The following RARRES1 variants were observed in gnomAD, a reference collection of about 807,000 sequenced individuals.
RARRES1 encodes the protein retinoic acid receptor responder protein 1.
RARRES1 carries 34 observed loss-of-function variants against 30.6 expected under a neutral mutation model. The ratio of observed to expected loss-of-function variants is 1.11; its 90% CI spans 0.84 to 1.48. The LOEUF (loss-of-function observed/expected upper bound fraction) is 1.48, where lower values mean the gene tolerates loss of function less well. Ranked by LOEUF, RARRES1 falls within the 40% of genes most tolerant of loss-of-function variation. RARRES1 has a pLI of 0.00. For missense variants in RARRES1, 373 were observed against 386.5 expected (o/e 0.97, Z 0.29); for synonymous variants, 153 against 155.5 (o/e 0.98, Z 0.12).
intron 1 of RARRES1, among the ~76,000 whole-genome samples, chr3:158,724,260 G>T (rs980953850): frequency 1.6e-4 from 25 of 152,170 alleles, no homozygotes; most frequent in African/African-American, 5.8e-4. Flanking sequence ...ACGGGGTGTG[G>T]TAGGCTGAAT....
At chr3:158,715,489 G>A (rs1727295303) in intron 1 of RARRES1, among the ~76,000 whole-genome samples, 1 of 152,124 alleles carries the variant, frequency 6.6e-6, no homozygotes, top group Admixed American at 6.5e-5. Context: ...ACTTTTTTGA[G>A]ATGACTTGGA....
intron 1 of RARRES1, among the ~76,000 whole-genome samples, chr3:158,718,814 C>T (rs1430406152): frequency 2.6e-5 from 4 of 152,186 alleles, no homozygotes; most frequent in East Asian, 1.9e-4. Context: ...CAGGTTGCTA[C>T]AGCCACATGG....
intron 1 of RARRES1, among the ~76,000 whole-genome samples, chr3:158,730,675 CT>C (rs1422649324): frequency 6.6e-6 from 1 of 152,124 alleles, no homozygotes; most frequent in Non-Finnish European, 1.5e-5. Flanking sequence ...TGGTCTACAA[CT>C]CCTGAGCTCA....
Position 158,713,783 on chromosome 3 carries a change from T to C in RARRES1, c.339+14A>G. 1 of 1,607,068 alleles carries C rather than the reference T, an allele frequency of 6.2e-7. No homozygotes were observed. Among genetic ancestry groups the C allele is most frequent in the Non-Finnish European group, 8.5e-7 (1 of 1,176,380 alleles). On this transcript the variant is annotated intron_variant, in intron 2 of 5. Coordinates refer to ENST00000237696, the MANE Select transcript of RARRES1 (RefSeq NM_206963.2). ...AGTTGCTAATAGGATACTTTGCCAA[T>C]TGTGGCAGCTTACCTCTGGGTTGTA...
rs756568590 is a variant in RARRES1 at position 158,710,918 on chromosome 3, CT to C, written c.354del (p.Gly119ValfsTer25). 1.2e-6 allele frequency: 2 copies of C among 1,613,862 alleles called. No homozygotes were observed. Among genetic ancestry groups the C allele is most frequent in the Admixed American group, 3.3e-5 (2 of 59,962 alleles). ...GAACATTTCCCCAAACGTCCCTCAC[CT>C]TCCTGAAGTAAAGACTGTGGAGTTA... ...ERYNPESLLQEGEGRLGKCSA... is the reference protein window; with the variant it reads ...ERYNPESLLQXGEGRLGKCSA... On this transcript the variant is annotated frameshift_variant, in exon 3 of 6. Transcript: ENST00000237696. LOFTEE classifies it high-confidence loss of function.
intron 3 of RARRES1, among the ~76,000 whole-genome samples, chr3:158,707,011 A>G (rs955752297): frequency 3.9e-5 from 6 of 152,110 alleles, no homozygotes; most frequent in African/African-American, 1.4e-4. Context: ...TCTATTAAAA[A>G]TATAAAAATT....
chr3:158,717,252 A>G lies in RARRES1; in HGVS notation c.277-3393T>C, dbSNP rs577624229. ...TGATTTCAGCTCCTACCTTATTCCAAGTACTGTGCTGGGTGCAGGAAAGAC... is the reference window on the plus strand; with the variant it reads ...TGATTTCAGCTCCTACCTTATTCCAGGTACTGTGCTGGGTGCAGGAAAGAC... On this transcript the variant is annotated intron_variant, in intron 1 of 5. Transcript: ENST00000237696. 7.2e-5 allele frequency among the ~76,000 whole-genome samples: 11 copies of G among 152,338 alleles called. No homozygotes were observed. The South Asian group carries it at 2.3e-3, about 32-fold the overall frequency.
chr3:158,704,209 ACTTTTTTTTTT>A (rs1726831741), intron 4 of RARRES1, among the ~76,000 whole-genome samples: 4 of 115,954 alleles, frequency 3.4e-5, no homozygotes, highest in East Asian at 5.7e-4. Flanking sequence ...ATATTGCAAT[ACTTTTTTTTTT>A]TTTTTTTTTT....
intron 1 of RARRES1, among the ~76,000 whole-genome samples, chr3:158,715,874 C>T (rs1727305140): frequency 6.6e-6 from 1 of 152,170 alleles, no homozygotes; most frequent in Non-Finnish European, 1.5e-5. Context: ...TTAGTACCTG[C>T]CAATGTGGGA....
chr3:158,728,510 T>C (rs1727763007), intron 1 of RARRES1, among the ~76,000 whole-genome samples: 1 of 139,920 alleles, frequency 7.1e-6, no homozygotes, highest in Non-Finnish European at 1.6e-5. Context: ...TGGTTTCTTT[T>C]TCTTTCTTTT....
chr3:158,707,033 G>T (rs1406947999), intron 3 of RARRES1, among the ~76,000 whole-genome samples: 1 of 152,134 alleles, frequency 6.6e-6, no homozygotes, highest in African/African-American at 2.4e-5. Context: ...GCTGGGTGTG[G>T]TGGCACACGC....
intron 1 of RARRES1, among the ~76,000 whole-genome samples, chr3:158,731,846 T>C (rs1287422167): frequency 1.3e-5 from 2 of 152,250 alleles, no homozygotes; most frequent in African/African-American, 2.4e-5. Flanking sequence ...AGCATCTCTT[T>C]CCCAGGTGTG....
chr3:158,714,368 T>G (rs748216933), intron 1 of RARRES1, among the ~76,000 whole-genome samples: 1 of 152,090 alleles, frequency 6.6e-6, no homozygotes, highest in Non-Finnish European at 1.5e-5. Context: ...AGGTGCTTGC[T>G]TGGCACGAGG....
intron 4 of RARRES1, chr3:158,698,275 C>A: frequency 3.7e-6 from 1 of 272,332 alleles, no homozygotes; most frequent in Non-Finnish European, 7.0e-6. Flanking sequence ...ATATATACCT[C>A]AAGCTGATAT....
At position 158,704,891 on chromosome 3, in the gene RARRES1, A is replaced by G; in HGVS notation, c.572T>C (p.Ile191Thr). 4.3e-6 allele frequency: 7 copies of G among 1,613,870 alleles called. No individual in the cohort carries two copies. The highest frequency in any genetic ancestry group is 5.9e-6 in the Non-Finnish European group (7 of 1,179,952). Residue 191 changes from isoleucine to threonine, a missense_variant, in exon 4 of 6, where the codon ATC (isoleucine) becomes ACC (threonine). By Grantham distance (89) the Ile-to-Thr change is moderately conservative. Coordinates refer to ENST00000237696, the MANE Select transcript of RARRES1 (RefSeq NM_206963.2). ...HGHIDPSLRL[I>T]WDLAFLGSSY... ...GCTTCCAAGGAAAGCCAAATCCCAG[A>G]TGAGTCTCAGAGAGGGATCAATATG...
At chr3:158,713,677 C>G (rs1727220665) in intron 2 of RARRES1, 120 bp downstream of exon 2, 1 of 940,760 alleles carries the variant, frequency 1.1e-6, no homozygotes. Flanking sequence ...AAATAGGAAA[C>G]AGATCAGGAA....
At chr3:158,710,640 G>C in intron 3 of RARRES1, 98 bp downstream of exon 3, 1 of 1,153,866 alleles carries the variant, frequency 8.7e-7, no homozygotes, top group Non-Finnish European at 1.2e-6. Context: ...TTGAATGAAA[G>C]TGCCACTTTA....
chr3:158,731,367 T>A (rs920920969), intron 1 of RARRES1, among the ~76,000 whole-genome samples: 5 of 152,212 alleles, frequency 3.3e-5, no homozygotes, highest in African/African-American at 7.2e-5. Context: ...ACTTTGCTTT[T>A]GGGACAGACT....
chr3:158,732,070 C>T (rs1473685607), intron 1 of RARRES1, 70 bp downstream of exon 1: 1 of 1,255,934 alleles, frequency 8.0e-7, no homozygotes, highest in Non-Finnish European at 1.0e-6. Flanking sequence ...GCGCGCGTAC[C>T]CAGGTGTCAC....
Sources: gnomAD v4.1 joint callset for allele counts (sites outside exome capture counted in the v4.1 genomes callset) on GRCh38, gnomAD v4.1.1 for gene constraint, MANE v1.5 for transcripts, NCBI Gene and HGNC (gene_info 2026-07-23, HGNC 2026-07-21) for gene names.